SLC4A4: variants seen among roughly 807,000 people sequenced by gnomAD.
SLC4A4 encodes electrogenic sodium bicarbonate cotransporter 1.
A neutral mutation model predicts 111.5 loss-of-function variants in SLC4A4; 27 were observed. The observed-to-expected ratio is 0.24, with a 90% confidence interval of 0.18 to 0.33. The LOEUF (loss-of-function observed/expected upper bound fraction) is 0.33, where lower values mean the gene tolerates loss of function less well. SLC4A4 is among the 10% of genes least tolerant of loss of function. The pLI is 1.00. For missense variants in SLC4A4, 909 were observed against 1,315.5 expected (o/e 0.69, Z 4.78); for synonymous variants, 443 against 463.4 (o/e 0.96, Z 0.57).
At chr4:71,260,306 A>G (rs765108168) in intron 3 of SLC4A4, among the ~76,000 whole-genome samples, 11 of 152,040 alleles carry the variant, frequency 7.2e-5, no homozygotes, top group Non-Finnish European at 1.5e-4. Context: ...CTGACCTCAT[A>G]CTTCTTGGTA....
intron 1 of SLC4A4, among the ~76,000 whole-genome samples, chr4:71,199,905 C>T (rs1056770330): frequency 9.9e-5 from 15 of 152,268 alleles, no homozygotes; most frequent in East Asian, 9.7e-4. Flanking sequence ...CCTGCCTCAG[C>T]TTCCCAAAGT....
chr4:71,507,597 T>A (rs1191215048), intron 16 of SLC4A4, among the ~76,000 whole-genome samples: 1 of 152,176 alleles, frequency 6.6e-6, no homozygotes, highest in Non-Finnish European at 1.5e-5. Flanking sequence ...AAAAAGCAAG[T>A]TATTAGAGAC....
At chr4:71,247,514 G>T (rs1289215809) in intron 2 of SLC4A4, among the ~76,000 whole-genome samples, 1 of 152,134 alleles carries the variant, frequency 6.6e-6, no homozygotes, top group Non-Finnish European at 1.5e-5. Context: ...TAGAGTCAGA[G>T]ATGGACAATG....
Position 71,560,067 on chromosome 4 carries a change from C to T in SLC4A4, c.2938-26C>T, listed in dbSNP as rs373203429. ...TGACTTCATCTGACATGGTTTCTTT[C>T]ATACTTTTAATATTTGCTCTTTCAG... is the stretch of plus-strand genomic sequence containing the variant. On this transcript the variant is annotated intron_variant, in intron 22 of 25. Transcript: ENST00000264485. 2.6e-5 allele frequency: 41 copies of T among 1,572,266 alleles called. No homozygotes were observed. In the African/African-American group the frequency reaches 3.8e-4, roughly 14 times the overall value.
chr4:71,250,322 C>T (rs1720972452), intron 2 of SLC4A4, among the ~76,000 whole-genome samples: 1 of 152,036 alleles, frequency 6.6e-6, no homozygotes, highest in Non-Finnish European at 1.5e-5. Flanking sequence ...TAAAATGCTG[C>T]ATGTTGTAGA....
chr4:71,127,053 AT>A (rs1269739269), intron 2 of SLC4A4, among the ~76,000 whole-genome samples: 1 of 152,246 alleles, frequency 6.6e-6, no homozygotes, highest in Non-Finnish European at 1.5e-5. Context: ...AACTAAATAT[AT>A]TCAGAGCTCT....
intron 1 of SLC4A4, among the ~76,000 whole-genome samples, chr4:71,194,875 G>A (rs1296383271): frequency 6.6e-6 from 1 of 152,002 alleles, no homozygotes; most frequent in Non-Finnish European, 1.5e-5. Context: ...ATATAAATAA[G>A]GTGTTTCACA....
chr4:71,256,487 A>G (rs115931537), intron 3 of SLC4A4, among the ~76,000 whole-genome samples: 179 of 152,318 alleles, frequency 1.2e-3, no homozygotes, highest in Non-Finnish European at 2.2e-3. Flanking sequence ...GAGGAGAAAT[A>G]CAGGTGGACC....
chr4:71,092,962 G>T (rs912281803), intron 2 of SLC4A4, among the ~76,000 whole-genome samples: 3 of 151,994 alleles, frequency 2.0e-5, no homozygotes, highest in African/African-American at 4.8e-5. Context: ...GGGCGTGGTG[G>T]CGTGCGCCTG....
At chr4:71,430,468 GA>G (rs1268436340) in intron 7 of SLC4A4, among the ~76,000 whole-genome samples, 1 of 152,096 alleles carries the variant, frequency 6.6e-6, no homozygotes, top group African/African-American at 2.4e-5. Context: ...CTGTAGTACA[GA>G]CAGTTGTTTA....
At chr4:71,397,700 C>T (rs774050433) in intron 7 of SLC4A4, 47 bp downstream of exon 7, 14 of 1,475,570 alleles carry the variant, frequency 9.5e-6, no homozygotes, top group Non-Finnish European at 1.3e-5. Flanking sequence ...GAACGTATAT[C>T]TAAAAGATGC....
intron 2 of SLC4A4, among the ~76,000 whole-genome samples, chr4:71,166,450 G>C (rs72860076): frequency 1.3e-5 from 2 of 152,258 alleles, no homozygotes; most frequent in South Asian, 4.1e-4. Flanking sequence ...GAGAAAATAT[G>C]GGGTGTTAAT....
chr4:71,212,061 A>C (rs1394020263), intron 1 of SLC4A4, among the ~76,000 whole-genome samples: 1 of 152,206 alleles, frequency 6.6e-6, no homozygotes, highest in African/African-American at 2.4e-5. Context: ...GACAACTAAG[A>C]TGCCATCTAA....
intron 5 of SLC4A4, among the ~76,000 whole-genome samples, chr4:71,356,028 A>G (rs181456342): frequency 4.5e-4 from 68 of 152,342 alleles, no homozygotes; most frequent in African/African-American, 1.6e-3. Flanking sequence ...ACAGACTCCT[A>G]CCAATGCATA....
intron 1 of SLC4A4, among the ~76,000 whole-genome samples, chr4:71,083,666 A>T (rs1578461238): frequency 1.3e-5 from 2 of 151,994 alleles, no homozygotes; most frequent in African/African-American, 4.8e-5. Context: ...GTTGGTGGAG[A>T]TGCTGTGCCT....
chr4:71,115,404 G>A (rs557841116), intron 2 of SLC4A4, among the ~76,000 whole-genome samples: 56 of 151,706 alleles, frequency 3.7e-4, no homozygotes, highest in African/African-American at 1.3e-3. Context: ...AAACAAAAAA[G>A]AGCAAACAAA....
intron 16 of SLC4A4, among the ~76,000 whole-genome samples, chr4:71,504,974 G>A (rs1731270107): frequency 6.6e-6 from 1 of 152,106 alleles, no homozygotes; most frequent in African/African-American, 2.4e-5. Context: ...GTGAGAACAT[G>A]TGGTATTTGG....
intron 1 of SLC4A4, among the ~76,000 whole-genome samples, chr4:71,201,520 G>T (rs1746251128): frequency 6.6e-6 from 1 of 152,106 alleles, no homozygotes; most frequent in Non-Finnish European, 1.5e-5. Flanking sequence ...TTATGACGGG[G>T]GACTCTGTGC....
intron 3 of SLC4A4, among the ~76,000 whole-genome samples, chr4:71,304,831 A>G (rs1171608156): frequency 1.3e-5 from 2 of 152,240 alleles, no homozygotes; most frequent in South Asian, 2.1e-4. Flanking sequence ...GTCTTAATCT[A>G]TAGCTGTCTG....
Sources: gnomAD v4.1 joint callset for allele counts (sites outside exome capture counted in the v4.1 genomes callset) on GRCh38, gnomAD v4.1.1 for gene constraint, MANE v1.5 for transcripts, NCBI Gene and HGNC (gene_info 2026-07-23, HGNC 2026-07-21) for gene names.